Variants in SRBD1 observed in about 807,000 individuals in gnomAD.
SRBD1 encodes S1 RNA binding domain 1.
A neutral mutation model predicts 115.3 loss-of-function variants in SRBD1; 88 were observed. The observed-to-expected ratio is 0.76, with a 90% confidence interval of 0.64 to 0.91. SRBD1 has a LOEUF of 0.91. Ranked by LOEUF, SRBD1 falls within the 40% of genes least tolerant of loss-of-function variation. The pLI is 0.00. For missense variants in SRBD1, 1,385 were observed against 1,177.4 expected (o/e 1.18, Z -2.58); for synonymous variants, 509 against 407.7 (o/e 1.25, Z -2.99).
At chr2:45,415,801 G>C (rs866064779) in intron 18 of SRBD1, among the ~76,000 whole-genome samples, 20 of 127,590 alleles carry the variant, frequency 1.6e-4, no homozygotes, top group Admixed American at 1.6e-4. Context: ...GAGGAGAGGA[G>C]AGGAGAGGAG....
intron 19 of SRBD1, among the ~76,000 whole-genome samples, chr2:45,411,505 C>T (rs1667602114): frequency 6.6e-6 from 1 of 152,026 alleles, no homozygotes; most frequent in Non-Finnish European, 1.5e-5. Flanking sequence ...AGAAAACTAA[C>T]CTTTGGTAGA....
intron 18 of SRBD1, among the ~76,000 whole-genome samples, chr2:45,414,874 T>C (rs536466375): frequency 2.9e-5 from 4 of 135,720 alleles, no homozygotes; most frequent in African/African-American, 1.2e-4. Context: ...GTACACACAA[T>C]ATAGTGTGTA....
intron 10 of SRBD1, among the ~76,000 whole-genome samples, chr2:45,556,683 G>A (rs956982275): frequency 3.3e-5 from 5 of 151,790 alleles, no homozygotes; most frequent in Non-Finnish European, 7.4e-5. Context: ...GGCCAGTCTC[G>A]AACTGCTGAC....
chr2:45,497,762 C>G (rs116636668), intron 14 of SRBD1, among the ~76,000 whole-genome samples: 4,465 of 151,948 alleles, frequency 0.029, 219 homozygotes, highest in African/African-American at 0.1. Context: ...GCCAGCCAGG[C>G]GTGGTGGCTC....
chr2:45,490,855 G>A (rs949198865), intron 14 of SRBD1, among the ~76,000 whole-genome samples: 1 of 152,050 alleles, frequency 6.6e-6, no homozygotes, highest in African/African-American at 2.4e-5. Context: ...CAAAGATTGT[G>A]GATTAACATT....
intron 14 of SRBD1, among the ~76,000 whole-genome samples, chr2:45,511,464 C>T (rs1670966945): frequency 6.6e-6 from 1 of 152,060 alleles, no homozygotes; most frequent in Non-Finnish European, 1.5e-5. Context: ...CATGAACTTC[C>T]CCCAAAAAGT....
chr2:45,413,722 G>A (rs1022750690), intron 18 of SRBD1, among the ~76,000 whole-genome samples: 2 of 152,142 alleles, frequency 1.3e-5, no homozygotes, highest in African/African-American at 2.4e-5. Flanking sequence ...GAGGTCAGGA[G>A]TTCGAGACCA....
intron 16 of SRBD1, among the ~76,000 whole-genome samples, chr2:45,469,107 C>A (rs574344811): frequency 1.2e-4 from 19 of 152,062 alleles, no homozygotes; most frequent in Non-Finnish European, 2.2e-4. Context: ...TATTCTGTAT[C>A]ATTTATAGTT....
At chr2:45,419,031 T>C (rs1020844732) in intron 17 of SRBD1, among the ~76,000 whole-genome samples, 21 of 152,232 alleles carry the variant, frequency 1.4e-4, no homozygotes, top group African/African-American at 4.3e-4. Flanking sequence ...ATGGTTAGTA[T>C]AAATTATATA....
chr2:45,559,508 C>G (rs905863563), intron 10 of SRBD1, among the ~76,000 whole-genome samples: 1 of 152,066 alleles, frequency 6.6e-6, no homozygotes, highest in African/African-American at 2.4e-5. Flanking sequence ...CAGTGTTGTT[C>G]TCATTAAACT....
At chr2:45,436,460 T>C (rs1291190953) in intron 16 of SRBD1, among the ~76,000 whole-genome samples, 1 of 152,214 alleles carries the variant, frequency 6.6e-6, no homozygotes, top group African/African-American at 2.4e-5. Context: ...TAGTCCATTT[T>C]CACACCGCTA....
intron 16 of SRBD1, among the ~76,000 whole-genome samples, chr2:45,430,009 C>A (rs1011337687): frequency 1.3e-5 from 2 of 151,846 alleles, no homozygotes; most frequent in East Asian, 1.9e-4. Flanking sequence ...AGACAGAGAG[C>A]CAAATTATGA....
In SRBD1 at chr2:45,480,663, G is replaced by A. The variant is rs1287290644; in HGVS notation, c.1967-3588C>T. 1.2e-4 allele frequency among the ~76,000 whole-genome samples: 18 copies of A among 152,282 alleles called. No homozygotes were observed. In the South Asian group the frequency reaches 3.7e-3, roughly 32 times the overall value. On this transcript the variant is annotated intron_variant, in intron 15 of 20. Transcript: ENST00000263736. ...TCCTGGTGAAGATGCTATGAACGTT[G>A]TGGAAATGATAAAAGATATCAAATA... is the stretch of plus-strand genomic sequence containing the variant.
At chr2:45,405,425 A>G (rs1309108225) in intron 19 of SRBD1, among the ~76,000 whole-genome samples, 1 of 152,208 alleles carries the variant, frequency 6.6e-6, no homozygotes. Flanking sequence ...TTTCAATTTT[A>G]GAAACATAGA....
At chr2:45,490,516 C>G (rs1670260491) in intron 14 of SRBD1, among the ~76,000 whole-genome samples, 1 of 152,102 alleles carries the variant, frequency 6.6e-6, no homozygotes, top group Non-Finnish European at 1.5e-5. Context: ...GACAGAGTAT[C>G]CATGAAGTAC....
intron 8 of SRBD1, among the ~76,000 whole-genome samples, 178 bp from the exon 9 acceptor site, chr2:45,573,520 T>C (rs1196043237): frequency 6.6e-6 from 1 of 152,180 alleles, no homozygotes; most frequent in Non-Finnish European, 1.5e-5. Context: ...TGCCTATTCA[T>C]ACTAGCATAG....
intron 4 of SRBD1, among the ~76,000 whole-genome samples, chr2:45,587,015 A>G (rs1417895116): frequency 1.6e-5 from 2 of 121,454 alleles, no homozygotes; most frequent in Non-Finnish European, 3.3e-5. Context: ...ATTTTAAATT[A>G]TAAATATTAA....
intron 16 of SRBD1, among the ~76,000 whole-genome samples, chr2:45,425,041 T>A (rs1256242919): frequency 6.6e-6 from 1 of 152,196 alleles, no homozygotes; most frequent in Non-Finnish European, 1.5e-5. Flanking sequence ...AGCTTCTGAA[T>A]TAACGAGTTC....
At chr2:45,448,209 C>CAGGTAGACTTAGTT (rs1668885996) in intron 16 of SRBD1, 1 of 152,076 alleles carries the variant, frequency 6.6e-6, no homozygotes, top group African/African-American at 2.4e-5. Context: ...CAAATCTTGC[C>CAGGTAGACTTAGTT]TCTACTATTA....
Sources: gnomAD v4.1 joint callset for allele counts (sites outside exome capture counted in the v4.1 genomes callset) on GRCh38, gnomAD v4.1.1 for gene constraint, MANE v1.5 for transcripts, NCBI Gene and HGNC (gene_info 2026-07-23, HGNC 2026-07-21) for gene names.